GRIA2: variants seen among roughly 807,000 people sequenced by gnomAD.
GRIA2 encodes glutamate ionotropic receptor AMPA type subunit 2.
A neutral mutation model predicts 97.3 loss-of-function variants in GRIA2; 14 were observed. The observed-to-expected ratio is 0.14, with a 90% CI of 0.10 to 0.23. GRIA2 has a LOEUF of 0.23. Ranked by LOEUF, GRIA2 falls within the 10% of genes least tolerant of loss-of-function variation. The probability of loss-of-function intolerance (pLI) is 1.00; values close to 1 mark genes in which losing one functional copy is unlikely to be tolerated. For missense variants in GRIA2, 558 were observed against 1,069.8 expected, an observed-to-expected ratio of 0.52 and a Z score of 6.67; for synonymous variants, 412 against 387.8, an observed-to-expected ratio of 1.06 and a Z score of -0.73.
chr4:157,245,861 G>A (rs541104902), intron 2 of GRIA2, among the ~76,000 whole-genome samples: 1 of 152,180 alleles, frequency 6.6e-6, no homozygotes, highest in African/African-American at 2.4e-5. Flanking sequence ...CAGCATGGCA[G>A]AACTTCGTAT....
chr4:157,268,836 GA>G (rs1468910406), intron 2 of GRIA2, among the ~76,000 whole-genome samples: 1 of 151,814 alleles, frequency 6.6e-6, no homozygotes, highest in Non-Finnish European at 1.5e-5. Flanking sequence ...AAAATAGAAA[GA>G]ATTTAAAAAC....
intron 2 of GRIA2, among the ~76,000 whole-genome samples, chr4:157,260,293 A>G (rs1435742685): frequency 6.6e-6 from 1 of 152,074 alleles, no homozygotes; most frequent in Non-Finnish European, 1.5e-5. Context: ...CATACTGTTA[A>G]TTACAATAAA....
chr4:157,238,276 A>C (rs574676889), intron 2 of GRIA2, among the ~76,000 whole-genome samples: 2 of 152,248 alleles, frequency 1.3e-5, no homozygotes, highest in South Asian at 4.1e-4. Context: ...ATTTTTGGCC[A>C]ACCGTCAGGG....
At chr4:157,338,049 T>TATATAC (rs1491096751) in intron 11 of GRIA2, among the ~76,000 whole-genome samples, 47 of 9,686 alleles carry the variant, frequency 4.9e-3, no homozygotes, top group African/African-American at 6.6e-3. Flanking sequence ...TATATATATA[T>TATATAC]ACACACACAT....
At position 157,338,042 on chromosome 4, in the gene GRIA2, A is replaced by G. The variant is rs1251675543; in HGVS notation, c.1844+1295A>G. Among the ~76,000 whole-genome samples, 4 of 8,352 alleles carry G rather than the reference A, an allele frequency of 4.8e-4. 1 individual carries two copies. Among genetic ancestry groups the G allele is most frequent in the Non-Finnish European group, 2.8e-3 (4 of 1,434 alleles). The allele number at this position is 8,352 out of a possible 152,430, so 5.5% of individuals were successfully genotyped here. A position where few individuals can be genotyped will look rare whatever the true frequency, so the allele number is the denominator to read the frequency against. The stretch of plus-strand genomic sequence containing the variant: ...TATATATATATATATATATATATAT[A>G]TATATATACACACACATTTTTTTTA... On this transcript the variant is annotated intron_variant, in intron 11 of 15. Transcript: ENST00000264426.
intron 2 of GRIA2, among the ~76,000 whole-genome samples, chr4:157,250,467 C>T (rs1037239177): frequency 6.6e-6 from 1 of 151,996 alleles, no homozygotes; most frequent in Non-Finnish European, 1.5e-5. Flanking sequence ...TTATAATAGT[C>T]GGTCCTTTTT....
chr4:157,340,334 G>T (rs1160488741), intron 11 of GRIA2, among the ~76,000 whole-genome samples: 2 of 151,850 alleles, frequency 1.3e-5, no homozygotes, highest in East Asian at 3.9e-4. Context: ...TAAATACTTA[G>T]TTACGTGCAG....
chr4:157,251,025 C>A (rs541380743), intron 2 of GRIA2, among the ~76,000 whole-genome samples: 1 of 151,980 alleles, frequency 6.6e-6, no homozygotes, highest in Non-Finnish European at 1.5e-5. Flanking sequence ...AAGAGCATAA[C>A]CCTGGAAACA....
intron 7 of GRIA2, 26 bp from the exon 8 acceptor site, chr4:157,333,223 C>T (rs1735136321): frequency 7.6e-7 from 1 of 1,314,618 alleles, no homozygotes; most frequent in Non-Finnish European, 1.1e-6. Context: ...ATATATAACT[C>T]TGCTGCTTTC....
chr4:157,363,393 G>A (rs929225833), intron 15 of GRIA2, 42 bp from the exon 16 acceptor site: 45 of 1,189,186 alleles, frequency 3.8e-5, no homozygotes, highest in Admixed American at 2.0e-4. Flanking sequence ...AAACCATAAC[G>A]TATGATTTCT....
chr4:157,303,431 A>G (rs1480963520), intron 2 of GRIA2, 121 bp from the exon 3 acceptor site: 4 of 749,724 alleles, frequency 5.3e-6, no homozygotes, highest in Admixed American at 2.6e-5. Flanking sequence ...CATTAAATCT[A>G]TATTTCTTTC....
At chr4:157,223,571 A>G (rs2126674367) in intron 2 of GRIA2, among the ~76,000 whole-genome samples, 1 of 152,350 alleles carries the variant, frequency 6.6e-6, no homozygotes, top group South Asian at 2.1e-4. Context: ...ATTTGATATC[A>G]GTAAGTTCCA....
At chr4:157,247,536 C>T (rs954550467) in intron 2 of GRIA2, among the ~76,000 whole-genome samples, 2 of 151,242 alleles carry the variant, frequency 1.3e-5, no homozygotes, top group African/African-American at 2.4e-5. Context: ...GGGGCACATA[C>T]GTAATCACAC....
intron 6 of GRIA2, among the ~76,000 whole-genome samples, chr4:157,322,491 T>C (rs892686715): frequency 1.3e-5 from 2 of 152,214 alleles, no homozygotes; most frequent in Non-Finnish European, 2.9e-5. Flanking sequence ...CAATGAGATC[T>C]TCACTTGTTT....
At chr4:157,304,403 TAA>T (rs1196687608) in intron 3 of GRIA2, among the ~76,000 whole-genome samples, 2 of 152,172 alleles carry the variant, frequency 1.3e-5, no homozygotes, top group African/African-American at 4.8e-5. Context: ...TTCATTATGT[TAA>T]AATGTAATGG....
chr4:157,365,610 G>A lies in GRIA2; in HGVS notation c.*2179G>A, dbSNP rs1736851550. On this transcript the variant is annotated 3_prime_UTR_variant, in exon 16 of 16. Transcript: ENST00000264426. ...TTTCAACTATGGATAATGTTGATTGGATAATGCACATCTCAGTTACAAGCA... is the reference window on the plus strand; with the variant it reads ...TTTCAACTATGGATAATGTTGATTGAATAATGCACATCTCAGTTACAAGCA... 1 of 151,882 alleles carries A rather than the reference G, an allele frequency of 6.6e-6. No individual in the cohort carries two copies. Among genetic ancestry groups the A allele is most frequent in the African/African-American group, 2.4e-5 (1 of 41,386 alleles). 9.4% of individuals were successfully genotyped at this position (151,882 alleles called of 1,614,324 possible).
chr4:157,324,285 G>A (rs540543466), intron 6 of GRIA2, among the ~76,000 whole-genome samples: 1 of 152,280 alleles, frequency 6.6e-6, no homozygotes, highest in East Asian at 1.9e-4. Context: ...AGGAGAATGT[G>A]TTTGGGGAGG....
intron 3 of GRIA2, among the ~76,000 whole-genome samples, chr4:157,310,482 C>A (rs527863180): frequency 1.3e-5 from 2 of 152,038 alleles, no homozygotes; most frequent in African/African-American, 4.8e-5. Context: ...CTTAACATGG[C>A]TTTATTAAAG....
At chr4:157,299,489 A>T (rs1733517163) in intron 2 of GRIA2, among the ~76,000 whole-genome samples, 1 of 152,180 alleles carries the variant, frequency 6.6e-6, no homozygotes, top group Non-Finnish European at 1.5e-5. Context: ...TGTAAAACAA[A>T]AAAAACATAC....
Sources: gnomAD v4.1 joint callset for allele counts (sites outside exome capture counted in the v4.1 genomes callset) on GRCh38, gnomAD v4.1.1 for gene constraint, MANE v1.5 for transcripts, NCBI Gene and HGNC (gene_info 2026-07-23, HGNC 2026-07-21) for gene names.